Variants in ABI3BP observed in about 807,000 individuals in gnomAD.
ABI3BP encodes ABI family member 3 binding protein.
ABI3BP carries 216 observed loss-of-function variants against 268.6 expected under a neutral mutation model. The ratio of observed to expected loss-of-function variants is 0.80; its 90% confidence interval spans 0.72 to 0.90. The LOEUF (loss-of-function observed/expected upper bound fraction) is 0.90, where lower values mean the gene tolerates loss of function less well. ABI3BP is among the 40% of genes least tolerant of loss of function. ABI3BP has a pLI of 0.00. For missense variants in ABI3BP, 2,090 were observed against 2,182.4 expected (o/e 0.96, Z 0.84); for synonymous variants, 730 against 730.0 (o/e 1.00, Z 0.00).
At chr3:100,864,807 G>GA (rs10711419) in intron 11 of ABI3BP, 26 bp downstream of exon 11, 21,779 of 1,266,974 alleles carry the variant, frequency 0.017, no homozygotes, top group South Asian at 0.021. Context: ...TGTTTTTTTA[G>GA]AAAAAAAAAA....
In ABI3BP at chr3:100,765,866, C is replaced by T; in HGVS notation, c.4825G>A (p.Val1609Ile). Residue 1609 changes from valine to isoleucine, a missense_variant, in exon 63 of 68, where the codon GTA (valine) becomes ATA (isoleucine). Physicochemically the swap from Val to Ile is conservative, Grantham distance 29 (BLOSUM62 3). Coordinates refer to ENST00000471714, the MANE Select transcript of ABI3BP (RefSeq NM_001375547.2). ...CTCGTGTTTGGTTTCAGATTTTCTACTGTGGAAAATGTCTGATTTGTCATT... is the reference window on the plus strand; with the variant it reads ...CTCGTGTTTGGTTTCAGATTTTCTATTGTGGAAAATGTCTGATTTGTCATT... ...IQMTNQTFST[V>I]ENLKPNTSYE... The T allele has an allele frequency of 6.2e-7, 1 of 1,611,218 alleles. No homozygotes were observed. Among genetic ancestry groups the T allele is most frequent in the Non-Finnish European group, 8.5e-7 (1 of 1,178,492 alleles).
chr3:100,889,566 T>TGC (rs894602053), intron 4 of ABI3BP, among the ~76,000 whole-genome samples: 6 of 152,158 alleles, frequency 3.9e-5, no homozygotes, highest in Admixed American at 2.6e-4. Flanking sequence ...TGAGCACAAG[T>TGC]GCACACAGAG....
chr3:100,884,008 C>T (rs1011713141), intron 6 of ABI3BP, among the ~76,000 whole-genome samples: 1 of 151,964 alleles, frequency 6.6e-6, no homozygotes, highest in African/African-American at 2.4e-5. Flanking sequence ...ATGTTCATAA[C>T]ATTTTGACCA....
chr3:100,864,925 C>T lies in ABI3BP; in HGVS notation c.989-18G>A, dbSNP rs1189571870. Reference sequence around the variant, plus strand: ...AGGAGTCACTGAAAGGTAAAAAGCACAACTTTACAAATTAAGATAAAGTGA... The same window carrying T: ...AGGAGTCACTGAAAGGTAAAAAGCATAACTTTACAAATTAAGATAAAGTGA... On this transcript the variant is annotated intron_variant, in intron 10 of 67. Transcript: ENST00000471714. 3.8e-6 allele frequency: 6 copies of T among 1,582,354 alleles called. No homozygotes were observed. Among genetic ancestry groups the T allele is most frequent in the African/African-American group, 1.3e-5 (1 of 74,132 alleles).
intron 52 of ABI3BP, 97 bp downstream of exon 52, chr3:100,796,312 T>A (rs1202621173): frequency 2.2e-6 from 2 of 929,508 alleles, no homozygotes; most frequent in Non-Finnish European, 3.1e-6. Context: ...TCTCTAAATT[T>A]CTTCCATATC....
chr3:100,937,151 G>T (rs1356877343), intron 1 of ABI3BP, among the ~76,000 whole-genome samples: 1 of 152,026 alleles, frequency 6.6e-6, no homozygotes, highest in African/African-American at 2.4e-5. Context: ...TAAAACCACA[G>T]TGAAATATTA....
chr3:100,850,715 C>T lies in ABI3BP; in HGVS notation c.1371G>A (p.Leu457=), dbSNP rs1157059066. 3.1e-6 allele frequency: 5 copies of T among 1,612,558 alleles called. No homozygotes were observed. The highest frequency in any genetic ancestry group is 4.2e-6 in the Non-Finnish European group (5 of 1,179,160). ...DSYTATSDRI[L]DSIPPKTSRT... is the part of the protein sequence containing the mutation. ...TAGAAGTTTTAGGTGGGATAGAATCCAGAATACGATCACTTGTTGCTGTTG... is the reference window on the plus strand; with the variant it reads ...TAGAAGTTTTAGGTGGGATAGAATCTAGAATACGATCACTTGTTGCTGTTG... Residue 457 remains leucine (L), a synonymous_variant, in exon 16 of 68, where the codon CTG becomes CTA. Coordinates refer to ENST00000471714, the MANE Select transcript of ABI3BP (RefSeq NM_001375547.2).
intron 1 of ABI3BP, among the ~76,000 whole-genome samples, chr3:100,927,463 C>T (rs2062139747): frequency 1.3e-5 from 2 of 149,464 alleles, no homozygotes; most frequent in African/African-American, 5.0e-5. Context: ...TGTGGCACTG[C>T]TATAAAGAGA....
chr3:100,802,901 G>C (rs1381311538), intron 51 of ABI3BP, among the ~76,000 whole-genome samples: 1 of 137,446 alleles, frequency 7.3e-6, no homozygotes, highest in East Asian at 2.0e-4. Context: ...GGTAAACAAA[G>C]TATTGGGTTC....
intron 1 of ABI3BP, among the ~76,000 whole-genome samples, chr3:100,944,459 C>G (rs1461406727): frequency 5.9e-5 from 9 of 151,884 alleles, no homozygotes; most frequent in Admixed American, 5.9e-4. Context: ...TTACTTCTAC[C>G]AATATTAAAA....
At chr3:100,893,039 A>G (rs2153446544) in intron 4 of ABI3BP, among the ~76,000 whole-genome samples, 1 of 152,308 alleles carries the variant, frequency 6.6e-6, no homozygotes, top group Admixed American at 6.5e-5. Context: ...ATTTGGGTGG[A>G]CACCATCTAA....
At chr3:100,978,942 A>G (rs2087741620) in intron 1 of ABI3BP, among the ~76,000 whole-genome samples, 1 of 152,068 alleles carries the variant, frequency 6.6e-6, no homozygotes, top group South Asian at 2.1e-4. Flanking sequence ...AAAGTGGGGG[A>G]GGTTAGGGGA....
chr3:100,766,451 C>A (rs2096274259), intron 62 of ABI3BP, among the ~76,000 whole-genome samples: 1 of 152,186 alleles, frequency 6.6e-6, no homozygotes, highest in South Asian at 2.1e-4. Flanking sequence ...CACCAAATAG[C>A]AGCTAATCAA....
rs914766486 is a variant in ABI3BP at position 100,933,590 on chromosome 3, G to GA, written c.80-7110dup. On this transcript the variant is annotated intron_variant, in intron 1 of 67. Coordinates refer to ENST00000471714, the MANE Select transcript of ABI3BP (RefSeq NM_001375547.2). ...TTTTGAATTTTAAAAGAACTAACAA[G>GA]AAAAAAAAAAGGCAAGCTACCCATT... Among the ~76,000 whole-genome samples, 153 of 111,986 alleles carry GA rather than the reference G, an allele frequency of 1.4e-3. 1 individual carries two copies. The highest frequency in any genetic ancestry group is 1.8e-3 in the Non-Finnish European group (96 of 52,292). The allele number at this position is 111,986 out of a possible 152,430, so 73.5% of individuals were successfully genotyped here. A position where few individuals can be genotyped will look rare whatever the true frequency, so the allele number is the denominator to read the frequency against.
chr3:100,772,644 A>C (rs1018659174), intron 61 of ABI3BP, among the ~76,000 whole-genome samples: 2 of 152,218 alleles, frequency 1.3e-5, no homozygotes, highest in Non-Finnish European at 2.9e-5. Flanking sequence ...AAATCGTAAC[A>C]TACTCAACCT....
intron 1 of ABI3BP, among the ~76,000 whole-genome samples, chr3:100,935,769 GCTCT>G (rs1336533769): frequency 1.3e-5 from 2 of 151,968 alleles, no homozygotes; most frequent in Non-Finnish European, 2.9e-5. Context: ...TCATGATTTG[GCTCT>G]CTGTTTGTCT....
intron 12 of ABI3BP, chr3:100,863,713 T>C (rs2099022592): frequency 3.0e-6 from 1 of 338,248 alleles, no homozygotes; most frequent in East Asian, 5.6e-5. Context: ...AGAGAGACAA[T>C]AGAGTAAACA....
At chr3:100,902,957 G>A (rs2051185699) in intron 2 of ABI3BP, among the ~76,000 whole-genome samples, 1 of 152,190 alleles carries the variant, frequency 6.6e-6, no homozygotes, top group Non-Finnish European at 1.5e-5. Flanking sequence ...TTTAAACGCT[G>A]TCTTCATCAG....
intron 9 of ABI3BP, among the ~76,000 whole-genome samples, chr3:100,874,535 T>C (rs1561126726): frequency 6.6e-6 from 1 of 152,198 alleles, no homozygotes; most frequent in Non-Finnish European, 1.5e-5. Flanking sequence ...CATAATAGTA[T>C]AGTAAGTATA....
Sources: allele counts gnomAD v4.1 joint callset (sites outside exome capture counted in the v4.1 genomes callset), GRCh38; gene constraint gnomAD v4.1.1; transcripts MANE v1.5; gene names NCBI Gene and HGNC (gene_info 2026-07-23, HGNC 2026-07-21).